The following KDM4C variants were observed in gnomAD, a reference collection of about 807,000 sequenced individuals.
KDM4C encodes lysine-specific demethylase 4C.
In KDM4C, 81 loss-of-function variants were observed where a neutral mutation model predicts 129.3. The ratio of observed to expected loss-of-function variants is 0.63; its 90% CI spans 0.52 to 0.75. KDM4C has a LOEUF of 0.75. KDM4C is among the 30% of genes least tolerant of loss of function. KDM4C has a pLI of 0.00. For synonymous variants in KDM4C, 573 were observed against 456.1 expected, an observed-to-expected ratio of 1.26 and a Z score of -3.26; for missense variants, 1,457 against 1,304.0, an observed-to-expected ratio of 1.12 and a Z score of -1.81.
intron 16 of KDM4C, among the ~76,000 whole-genome samples, chr9:7,048,274 C>G (rs977465559): frequency 6.6e-6 from 1 of 151,994 alleles, no homozygotes; most frequent in Non-Finnish European, 1.5e-5. Context: ...GAAGAATGCC[C>G]TGGTGGGATC....
intron 8 of KDM4C, among the ~76,000 whole-genome samples, chr9:6,970,178 A>G (rs1163427820): frequency 6.6e-6 from 1 of 152,260 alleles, no homozygotes. Context: ...CAATTTTGTC[A>G]TTTAATTCAG....
chr9:6,876,255 CA>C (rs1213726378), intron 5 of KDM4C, among the ~76,000 whole-genome samples: 1 of 152,172 alleles, frequency 6.6e-6, no homozygotes, highest in Non-Finnish European at 1.5e-5. Context: ...TGATCTTAGC[CA>C]AAAGGCCGAG....
At chr9:7,134,619 T>C (rs1365198510) in intron 19 of KDM4C, among the ~76,000 whole-genome samples, 1 of 152,246 alleles carries the variant, frequency 6.6e-6, no homozygotes, top group Non-Finnish European at 1.5e-5. Context: ...AAAAACAGTA[T>C]GTAAACCAGT....
chr9:6,952,628 AC>A (rs200308813), intron 8 of KDM4C, among the ~76,000 whole-genome samples: 2,022 of 151,914 alleles, frequency 0.013, 16 homozygotes, highest in Middle Eastern at 0.02. Context: ...TTTAGTAGAG[AC>A]GGGGTTTCAC....
chr9:7,003,554 G>T (rs1821120856), intron 12 of KDM4C, among the ~76,000 whole-genome samples: 1 of 151,504 alleles, frequency 6.6e-6, no homozygotes, highest in African/African-American at 2.4e-5. Flanking sequence ...CAGTGTTATT[G>T]AGAGGTGATA....
rs572588972 is a variant in KDM4C, at chr9:7,151,210, T to A, written c.2782-14028T>A. ...GAATTCACCAAATAAGTTTTAGTGC[T>A]TTTATTTTTGTGAAAATAACAGACC... is the stretch of plus-strand genomic sequence containing the variant. On this transcript the variant is annotated intron_variant, in intron 19 of 21. Transcript: ENST00000381309. Among the ~76,000 whole-genome samples the A allele has an allele frequency of 2.0e-5, 3 of 152,328 alleles. No individual in the cohort carries two copies. In the South Asian group the frequency reaches 6.2e-4, roughly 32 times the overall value.
chr9:6,982,051 T>C (rs964916008), intron 9 of KDM4C: 9 of 152,284 alleles, frequency 5.9e-5, no homozygotes, highest in Non-Finnish European at 2.9e-5. Context: ...AATCTGACAA[T>C]CAGTTTTGAG....
intron 1 of KDM4C, among the ~76,000 whole-genome samples, chr9:6,734,057 G>T (rs181915217): frequency 6.6e-6 from 1 of 152,112 alleles, no homozygotes; most frequent in Admixed American, 6.6e-5. Context: ...CTTAGAATGC[G>T]TTAACCGTCT....
At chr9:6,750,409 A>G (rs914941240) in intron 1 of KDM4C, among the ~76,000 whole-genome samples, 8 of 151,526 alleles carry the variant, frequency 5.3e-5, no homozygotes, top group African/African-American at 1.9e-4. Flanking sequence ...ATTGCACTTC[A>G]GCCTGGGTGA....
intron 2 of KDM4C, among the ~76,000 whole-genome samples, chr9:6,795,074 T>C (rs756571894): frequency 4.6e-5 from 7 of 152,226 alleles, no homozygotes; most frequent in Non-Finnish European, 8.8e-5. Context: ...CATAAATCCC[T>C]GAGTCCTGAC....
chr9:7,020,913 C>CTT (rs34853871), intron 15 of KDM4C, among the ~76,000 whole-genome samples: 57,892 of 141,514 alleles, frequency 0.41, 12,294 homozygotes, highest in South Asian at 0.62. Flanking sequence ...ATTCATTTTC[C>CTT]TTTTTTTTTT....
At chr9:6,922,105 A>T (rs867830343) in intron 8 of KDM4C, among the ~76,000 whole-genome samples, 14 of 152,328 alleles carry the variant, frequency 9.2e-5, no homozygotes, top group Middle Eastern at 3.4e-3. Flanking sequence ...ACGTTCAGCA[A>T]ATATTTGCTG....
In KDM4C at chr9:7,143,085, C is replaced by G. The variant is rs534942982; in HGVS notation, c.2781+14849C>G. 1.3e-3 allele frequency among the ~76,000 whole-genome samples: 200 copies of G among 152,314 alleles called. 2 individuals carry two copies. The highest frequency in any genetic ancestry group is 4.6e-3 in the African/African-American group (190 of 41,566). Reference sequence around the variant, plus strand: ...GAAGTCCCACTCCCTCCCCTCCCAGCTTACTCTATAAAAGCTAGTCTCAGC... The same window carrying G: ...GAAGTCCCACTCCCTCCCCTCCCAGGTTACTCTATAAAAGCTAGTCTCAGC... On this transcript the variant is annotated intron_variant, in intron 19 of 21. Coordinates refer to ENST00000381309, the MANE Select transcript of KDM4C (RefSeq NM_015061.6).
chr9:7,019,751 T>TTATATATAAAAATATAATATTTA (rs1824406189), intron 15 of KDM4C, among the ~76,000 whole-genome samples: 10 of 111,332 alleles, frequency 9.0e-5, no homozygotes, highest in East Asian at 3.1e-4. Context: ...TATAATATTT[T>TTATATATAAAAATATAATATTTA]TATATATAAA....
rs184774289 is a variant in KDM4C, at chr9:6,892,909, C to A, written c.784-186C>A. Among the ~76,000 whole-genome samples, 724 of 152,236 alleles carry A rather than the reference C, an allele frequency of 4.8e-3. 7 individuals carry two copies. Among genetic ancestry groups the A allele is most frequent in the African/African-American group, 0.016 (683 of 41,550 alleles). On this transcript the variant is annotated intron_variant, in intron 7 of 21. Transcript: ENST00000381309. ...CAAGCCACATCCTATTTAGGAAAGTCTTTTAAACGTTTCCTGAAAAAGCAC... is the reference window on the plus strand; with the variant it reads ...CAAGCCACATCCTATTTAGGAAAGTATTTTAAACGTTTCCTGAAAAAGCAC...
chr9:6,924,316 C>T (rs1388846453), intron 8 of KDM4C, among the ~76,000 whole-genome samples: 1 of 152,096 alleles, frequency 6.6e-6, no homozygotes, highest in Non-Finnish European at 1.5e-5. Flanking sequence ...TCCACTTTGC[C>T]CTAGTCTCTT....
intron 8 of KDM4C, among the ~76,000 whole-genome samples, chr9:6,916,088 G>T (rs981679240): frequency 6.6e-6 from 1 of 152,194 alleles, no homozygotes; most frequent in African/African-American, 2.4e-5. Flanking sequence ...TATATATTTG[G>T]AAGGAGAGAG....
chr9:7,011,553 C>T lies in KDM4C; in HGVS notation c.1787-145C>T, dbSNP rs999866518. 4.7e-5 allele frequency: 33 copies of T among 701,302 alleles called. No homozygotes were observed. The African/African-American group carries it at 4.8e-4, about 10-fold the overall frequency. 43.4% of individuals were successfully genotyped at this position (701,302 alleles called of 1,614,324 possible). A position where few individuals can be genotyped will look rare whatever the true frequency, so the allele number is the denominator to read the frequency against. On this transcript the variant is annotated intron_variant, in intron 12 of 21. Coordinates refer to ENST00000381309, the MANE Select transcript of KDM4C (RefSeq NM_015061.6). ...AGGCAACTTCCCTTATCCTGGCTCT[C>T]TCAGGATGTATTTGAAAGACAAAGT...
At chr9:6,947,589 C>T (rs988516981) in intron 8 of KDM4C, among the ~76,000 whole-genome samples, 1 of 151,940 alleles carries the variant, frequency 6.6e-6, no homozygotes, top group African/African-American at 2.4e-5. Flanking sequence ...GTAAACCCAT[C>T]TAGTATTGTT....
Sources: gnomAD v4.1 joint callset for allele counts (sites outside exome capture counted in the v4.1 genomes callset) on GRCh38, gnomAD v4.1.1 for gene constraint, MANE v1.5 for transcripts, NCBI Gene and HGNC (gene_info 2026-07-23, HGNC 2026-07-21) for gene names.